The following ADGRA3 variants were observed in gnomAD, a reference collection of about 807,000 sequenced individuals.
ADGRA3 encodes the protein adhesion G protein-coupled receptor A3.
A neutral mutation model predicts 119.8 loss-of-function variants in ADGRA3; 56 were observed. The observed-to-expected ratio is 0.47, with a 90% CI of 0.38 to 0.58. The LOEUF is 0.58. ADGRA3 is among the 20% of genes least tolerant of loss of function. The pLI, the probability that ADGRA3 is intolerant of heterozygous loss-of-function variation, is 0.00. For synonymous variants in ADGRA3, 607 were observed against 623.8 expected (o/e 0.97, Z 0.40); for missense variants, 1,516 against 1,649.0 (o/e 0.92, Z 1.40).
intron 1 of ADGRA3, among the ~76,000 whole-genome samples, chr4:22,474,689 A>G (rs569837776): frequency 2.0e-5 from 3 of 152,336 alleles, no homozygotes; most frequent in Non-Finnish European, 4.4e-5. Context: ...TAAAGGGCCC[A>G]AGATTACACT....
chr4:22,451,796 TC>T (rs1717053986), intron 4 of ADGRA3, among the ~76,000 whole-genome samples: 1 of 152,146 alleles, frequency 6.6e-6, no homozygotes, highest in East Asian at 1.9e-4. Flanking sequence ...TAGAATTCCT[TC>T]TTTTTGTATA....
chr4:22,407,481 G>A (rs555548955), intron 14 of ADGRA3, among the ~76,000 whole-genome samples: 149 of 152,220 alleles, frequency 9.8e-4, no homozygotes, highest in African/African-American at 3.5e-3. Context: ...ACACCTTTGA[G>A]TAGAAAAAGT....
At chr4:22,438,542 C>T (rs1228292343) in intron 7 of ADGRA3, 122 bp from the exon 8 acceptor site, 4 of 711,216 alleles carry the variant, frequency 5.6e-6, no homozygotes, top group South Asian at 2.2e-5. Flanking sequence ...TAAGCACTTG[C>T]TATATAAAAA....
In ADGRA3 at chr4:22,515,728, G is replaced by A. The variant is rs1181736488; in HGVS notation, c.57C>T (p.Leu19=). ...GCAGCGCGAGCAGCGCTAACAGCGA[G>A]AGCGGCAGCAACAGCGGCGGCTGCG... ...GRAQPPLLLP[L]SLLALLALLG... The change falls in exon 1 of 19, where the codon CTC becomes CTT. Residue 19 remains leucine, a synonymous_variant. Coordinates refer to ENST00000334304, the MANE Select transcript of ADGRA3 (RefSeq NM_145290.4). 8 of 1,052,740 alleles carry A rather than the reference G, an allele frequency of 7.6e-6. No homozygotes were observed. Among genetic ancestry groups the A allele is most frequent in the Admixed American group, 5.3e-5 (1 of 18,808 alleles). 65.2% of individuals were successfully genotyped at this position (1,052,740 alleles called of 1,614,324 possible).
intron 5 of ADGRA3, 52 bp from the exon 6 acceptor site, chr4:22,445,185 A>G (rs750647711): frequency 6.5e-7 from 1 of 1,540,792 alleles, no homozygotes. Context: ...ATTAAATAGC[A>G]CTTTTGTTTT....
intron 4 of ADGRA3, among the ~76,000 whole-genome samples, chr4:22,454,587 T>C (rs1301284757): frequency 1.3e-5 from 2 of 152,192 alleles, no homozygotes; most frequent in Admixed American, 1.3e-4. Context: ...TTGATCATAC[T>C]GCTCAGCATG....
At chr4:22,434,085 A>G (rs1032232933) in intron 10 of ADGRA3, among the ~76,000 whole-genome samples, 1 of 150,852 alleles carries the variant, frequency 6.6e-6, no homozygotes, top group Non-Finnish European at 1.5e-5. Context: ...CACAGTTTCA[A>G]AAACTTATTA....
rs1037420456 is a variant in ADGRA3 at position 22,456,791 on chromosome 4, C to T, written c.402-1854G>A. On this transcript the variant is annotated intron_variant, in intron 3 of 18. Coordinates refer to ENST00000334304, the MANE Select transcript of ADGRA3 (RefSeq NM_145290.4). ...GGCCTAATACAGCACCTTAGGTAAT[C>T]CTAATTTCAATAATTTCATAGTTCT... Among the ~76,000 whole-genome samples the T allele has an allele frequency of 5.2e-4, 79 of 152,206 alleles. 3 individuals are homozygous for T.
intron 12 of ADGRA3, chr4:22,414,742 C>A: frequency 1.7e-6 from 1 of 577,204 alleles, no homozygotes; most frequent in Non-Finnish European, 3.0e-6. Context: ...CCCCTGAATG[C>A]TCCTATAGCA....
chr4:22,484,846 C>T (rs1422392073), intron 1 of ADGRA3, among the ~76,000 whole-genome samples: 1 of 151,758 alleles, frequency 6.6e-6, no homozygotes, highest in South Asian at 2.1e-4. Flanking sequence ...TGATGGCATC[C>T]TTGAATCAAA....
chr4:22,487,434 C>A (rs913264473), intron 1 of ADGRA3, among the ~76,000 whole-genome samples: 1 of 152,248 alleles, frequency 6.6e-6, no homozygotes, highest in Admixed American at 6.5e-5. Context: ...ATTCTTAACG[C>A]TCAGCTGATC....
intron 12 of ADGRA3, chr4:22,414,530 T>C: frequency 1.5e-6 from 1 of 664,922 alleles, no homozygotes; most frequent in Non-Finnish European, 2.7e-6. Context: ...CATTCCATAG[T>C]TGAAGAATTT....
intron 14 of ADGRA3, among the ~76,000 whole-genome samples, chr4:22,409,478 C>T (rs1317015536): frequency 6.6e-6 from 1 of 152,152 alleles, no homozygotes. Flanking sequence ...AATTCAAATC[C>T]CAATACCAGC....
Position 22,515,647 on chromosome 4 carries a change from A to G in ADGRA3, c.138T>C (p.Asp46=), listed in dbSNP as rs1371406032. The G allele has an allele frequency of 2.9e-6, 4 of 1,389,388 alleles. No individual in the cohort carries two copies. Among genetic ancestry groups the G allele is most frequent in the South Asian group, 1.7e-5 (1 of 60,250 alleles). The allele number at this position is 1,389,388 out of a possible 1,614,324, so 86.1% of individuals were successfully genotyped here. A position where few individuals can be genotyped will look rare whatever the true frequency, so the allele number is the denominator to read the frequency against. The change falls in exon 1 of 19, where the codon GAT becomes GAC. Residue 46 remains aspartate, a synonymous_variant. Transcript: ENST00000334304. The stretch of plus-strand genomic sequence containing the variant: ...CCCTGCCAGCCCCTCGGGGCCGCCC[A>G]TCGTGCTTGCAGCCGGCGGGCAGCG... ...AAALPAGCKH[D]GRPRGAGRAA... is the part of the protein sequence containing the mutation.
intron 1 of ADGRA3, among the ~76,000 whole-genome samples, chr4:22,474,423 T>C (rs549945695): frequency 2.0e-5 from 3 of 152,306 alleles, no homozygotes; most frequent in South Asian, 4.2e-4. Context: ...TTGGGCAATG[T>C]TTATCAAAAT....
At chr4:22,461,928 G>A in intron 2 of ADGRA3, 120 bp from the exon 3 acceptor site, 2 of 551,720 alleles carry the variant, frequency 3.6e-6, no homozygotes, top group Non-Finnish European at 6.2e-6. Context: ...GGAAACTGAA[G>A]CCAAAAGGGT....
intron 2 of ADGRA3, among the ~76,000 whole-genome samples, chr4:22,465,834 C>T (rs1717638065): frequency 6.6e-6 from 1 of 152,162 alleles, no homozygotes; most frequent in Non-Finnish European, 1.5e-5. Context: ...ACCAAACACA[C>T]TGAAAAGTTG....
intron 3 of ADGRA3, among the ~76,000 whole-genome samples, chr4:22,458,469 A>T (rs1268308975): frequency 6.6e-6 from 1 of 152,102 alleles, no homozygotes. Flanking sequence ...TCAATTCCAT[A>T]TCCAGACTCT....
intron 4 of ADGRA3, among the ~76,000 whole-genome samples, chr4:22,454,331 C>G (rs1343757677): frequency 6.6e-6 from 1 of 152,026 alleles, no homozygotes; most frequent in African/African-American, 2.4e-5. Context: ...AGACGAAAAA[C>G]AGAAAAGTTC....
Sources: allele counts gnomAD v4.1 joint callset (sites outside exome capture counted in the v4.1 genomes callset), GRCh38; gene constraint gnomAD v4.1.1; transcripts MANE v1.5; gene names NCBI Gene and HGNC (gene_info 2026-07-23, HGNC 2026-07-21).